Variants in PSME4 observed in about 807,000 individuals in gnomAD.
PSME4 encodes the protein proteasome activator subunit 4, also known as proteasome activator complex subunit 4.
PSME4 carries 89 observed loss-of-function variants against 253.9 expected under a neutral mutation model. The ratio of observed to expected loss-of-function variants is 0.35; its 90% CI spans 0.30 to 0.42. The LOEUF is 0.42. PSME4 is among the 10% of genes least tolerant of loss of function. The pLI, the probability that PSME4 is intolerant of heterozygous loss-of-function variation, is 1.00. For missense variants in PSME4, 2,014 were observed against 2,195.2 expected (o/e 0.92, Z 1.65); for synonymous variants, 851 against 759.2 (o/e 1.12, Z -1.99).
intron 44 of PSME4, 63 bp from the exon 45 acceptor site, chr2:53,866,943 G>A: frequency 3.4e-6 from 5 of 1,474,036 alleles, no homozygotes; most frequent in Non-Finnish European, 4.6e-6. Context: ...TTGTTACAGT[G>A]AGATAAAATT....
At position 53,948,539 on chromosome 2, in the gene PSME4, TAA is replaced by T; in HGVS notation, c.384-4_384-3del. 1 of 1,557,296 alleles carries T rather than the reference TAA, an allele frequency of 6.4e-7. No individual in the cohort carries two copies. The highest frequency in any genetic ancestry group is 8.9e-7 in the Non-Finnish European group (1 of 1,128,978). Reference sequence around the variant, plus strand: ...GCTCTTGAAAGAAGTTCCTTTTTCCTAAAAAGTAAAATAAAATAAATACCTAT... The same window carrying T: ...GCTCTTGAAAGAAGTTCCTTTTTCCTAAAGTAAAATAAAATAAATACCTAT... On this transcript the variant is annotated splice_region_variant and splice_polypyrimidine_tract_variant and intron_variant, in intron 2 of 46. Transcript: ENST00000404125.
chr2:53,920,009 A>T (rs1339196216), intron 19 of PSME4, among the ~76,000 whole-genome samples, 184 bp downstream of exon 19: 1 of 152,222 alleles, frequency 6.6e-6, no homozygotes, highest in East Asian at 1.9e-4. Flanking sequence ...TTTTGGGTTT[A>T]AAATGTTTAA....
Position 53,890,179 on chromosome 2 carries a change from A to T in PSME4, c.4221T>A (p.Pro1407=), listed in dbSNP as rs2104425607. The change falls in exon 37 of 47, where the codon CCT becomes CCA. Residue 1407 remains proline, a synonymous_variant. Transcript: ENST00000404125. ...KVEKLWELLC[P]LLRTALSNIT... ...TATTGGACAGTGCTGTTCTAAGCAG[A>T]GGGCACAGAAGCTCCCAAAGCTTCT... 6.2e-7 allele frequency: 1 copy of T among 1,613,780 alleles called. No homozygotes were observed. The highest frequency in any genetic ancestry group is 2.2e-5 in the East Asian group (1 of 44,864).
chr2:53,970,448 T>A, intron 1 of PSME4, 95 bp downstream of exon 1: 1 of 1,527,288 alleles, frequency 6.5e-7, no homozygotes, highest in East Asian at 2.5e-5. Flanking sequence ...AGGACAGAGC[T>A]AAGGGTCCAG....
intron 43 of PSME4, chr2:53,871,095 C>T (rs958181169): frequency 6.6e-6 from 1 of 152,134 alleles, no homozygotes; most frequent in Non-Finnish European, 1.5e-5. Flanking sequence ...CCAGTTATAC[C>T]TTACACTGCT....
chr2:53,896,777 C>A, intron 32 of PSME4, 27 bp downstream of exon 32: 1 of 1,539,512 alleles, frequency 6.5e-7, no homozygotes, highest in South Asian at 1.1e-5. Context: ...TTGGAAAGCA[C>A]TATTAATTAC....
At chr2:53,896,114 T>C (rs1036514038) in intron 32 of PSME4, among the ~76,000 whole-genome samples, 1 of 152,302 alleles carries the variant, frequency 6.6e-6, no homozygotes, top group East Asian at 1.9e-4. Flanking sequence ...TTACCATGCA[T>C]ACTTTGATAT....
chr2:53,941,435 T>TAA (rs956777146), intron 3 of PSME4, among the ~76,000 whole-genome samples: 1 of 149,092 alleles, frequency 6.7e-6, no homozygotes. Flanking sequence ...GTTTGCCCAT[T>TAA]AAAAAAAAAC....
intron 44 of PSME4, among the ~76,000 whole-genome samples, chr2:53,868,671 T>A (rs1443510653): frequency 6.8e-6 from 1 of 147,976 alleles, no homozygotes; most frequent in Non-Finnish European, 1.5e-5. Flanking sequence ...TTTATTGGAT[T>A]CTGTTACTAG....
rs539907878 is a variant in PSME4 at position 53,948,529 on chromosome 2, T to A, written c.392A>T (p.Glu131Val). 1 of 1,601,280 alleles carries A rather than the reference T, an allele frequency of 6.2e-7. No individual in the cohort carries two copies. The highest frequency in any genetic ancestry group is 1.7e-5 in the Admixed American group (1 of 59,936). ...CTCCAAATCAGCTCTTGAAAGAAGT[T>A]CCTTTTTCCTAAAAAGTAAAATAAA... is the stretch of plus-strand genomic sequence containing the variant. ...RLLINLLKKK[E>V]LLSRADLELP... The change falls in exon 3 of 47, where the codon GAA becomes GTA. Residue 131 changes from glutamate to valine, a missense_variant. By Grantham distance (121) the Glu-to-Val change is moderately radical (BLOSUM62 -2). This residue lies in a region of PSME4 where 615 missense variants were observed against 594.4 expected (regional missense o/e 1.03). Transcript: ENST00000404125.
At chr2:53,925,746 G>T in intron 13 of PSME4, 57 bp from the exon 14 acceptor site, 1 of 1,529,732 alleles carries the variant, frequency 6.5e-7, no homozygotes, top group Non-Finnish European at 9.0e-7. Flanking sequence ...TGACATTTTT[G>T]GTGGTCATCA....
In PSME4 at chr2:53,908,305, G is replaced by C. The variant is rs2104441364; in HGVS notation, c.2784+15C>G. The C allele has an allele frequency of 6.3e-7, 1 of 1,583,328 alleles. No individual in the cohort carries two copies. Among genetic ancestry groups the C allele is most frequent in the Non-Finnish European group, 8.7e-7 (1 of 1,155,076 alleles). ...TTAAAACAATTAGTGCAGACTTTTA[G>C]GTGAAAATACTGACCCGATTTTCCA... On this transcript the variant is annotated intron_variant, in intron 24 of 46. Coordinates refer to ENST00000404125, the MANE Select transcript of PSME4 (RefSeq NM_014614.3).
intron 35 of PSME4, among the ~76,000 whole-genome samples, chr2:53,893,238 AT>A (rs56187845): frequency 0.54 from 82,335 of 151,706 alleles, 22,947 homozygotes; most frequent in East Asian, 0.71. Flanking sequence ...AGTTTTGGGT[AT>A]TTTTTTTCCT....
intron 3 of PSME4, 131 bp from the exon 4 acceptor site, chr2:53,940,131 C>T (rs1669322953): frequency 1.6e-6 from 1 of 643,586 alleles, no homozygotes; most frequent in Non-Finnish European, 2.5e-6. Context: ...ATTGAGCCTT[C>T]CCTTTCATAC....
rs753627534 is a variant in PSME4, at chr2:53,927,418, T to A, written c.1569A>T (p.Leu523=). 1 of 1,585,714 alleles carries A rather than the reference T, an allele frequency of 6.3e-7. No individual in the cohort carries two copies. Among genetic ancestry groups the A allele is most frequent in the Non-Finnish European group, 8.7e-7 (1 of 1,154,144 alleles). The change falls in exon 12 of 47, where the codon CTA becomes CTT. Residue 523 remains leucine, a synonymous_variant. Coordinates refer to ENST00000404125, the MANE Select transcript of PSME4 (RefSeq NM_014614.3). ...CTTCTGTGAGGTCATTTCTTTCTTGTAGTACAGATGAACAATCTACTAAAG... is the reference window on the plus strand; with the variant it reads ...CTTCTGTGAGGTCATTTCTTTCTTGAAGTACAGATGAACAATCTACTAAAG... The part of the protein sequence containing the change: ...LVPLVDCSSV[L]QERNDLTEVE...
At chr2:53,922,996 A>C in intron 16 of PSME4, 53 bp downstream of exon 16, 1 of 1,341,596 alleles carries the variant, frequency 7.5e-7, no homozygotes, top group South Asian at 1.7e-5. Flanking sequence ...TTAGAAACCA[A>C]GAAAAAAACT....
At chr2:53,880,979 C>T (rs1287314320) in intron 41 of PSME4, among the ~76,000 whole-genome samples, 2 of 152,086 alleles carry the variant, frequency 1.3e-5, no homozygotes, top group South Asian at 2.1e-4. Context: ...TTGAATCAGC[C>T]GTCTCTCTTC....
At chr2:53,962,974 C>T (rs1670555984) in intron 1 of PSME4, among the ~76,000 whole-genome samples, 1 of 150,546 alleles carries the variant, frequency 6.6e-6, no homozygotes. Flanking sequence ...CGCGCCACTG[C>T]ACTCCAGCCT....
rs1668254432 is a variant in PSME4 at position 53,920,439 on chromosome 2, A to G, written c.2263-89T>C. On this transcript the variant is annotated intron_variant, in intron 18 of 46. Coordinates refer to ENST00000404125, the MANE Select transcript of PSME4 (RefSeq NM_014614.3). ...TACATATACACAATTTTTAAAATTTAAAAGAAAATGTACACATAATCCAAA... is the reference window on the plus strand; with the variant it reads ...TACATATACACAATTTTTAAAATTTGAAAGAAAATGTACACATAATCCAAA... The G allele has an allele frequency of 3.8e-6, 5 of 1,301,934 alleles. No homozygotes were observed. In the African/African-American group the frequency reaches 4.5e-5, roughly 12 times the overall value. 80.6% of individuals were successfully genotyped at this position (1,301,934 alleles called of 1,614,324 possible).
Sources: allele counts gnomAD v4.1 joint callset (sites outside exome capture counted in the v4.1 genomes callset), GRCh38; gene constraint gnomAD v4.1.1; regional missense constraint gnomAD v4.1.1; transcripts MANE v1.5; gene names NCBI Gene and HGNC (gene_info 2026-07-23, HGNC 2026-07-21).